ZFP64: variants seen among roughly 807,000 people sequenced by gnomAD.
The protein encoded by ZFP64 is ZFP64 zinc finger protein, also known as zinc finger protein 64.
A neutral mutation model predicts 51.6 loss-of-function variants in ZFP64; 14 were observed. That is an observed-to-expected ratio of 0.27 (90% CI 0.18 to 0.42). ZFP64 has a LOEUF of 0.42. ZFP64 is among the 10% of genes least tolerant of loss of function. ZFP64 has a pLI of 1.00. For missense variants in ZFP64, 754 were observed against 906.8 expected, an observed-to-expected ratio of 0.83 and a Z score of 2.16; for synonymous variants, 375 against 361.4, an observed-to-expected ratio of 1.04 and a Z score of -0.43.
chr20:52,120,665 ATCT>A (rs1979139450), intron 5 of ZFP64, among the ~76,000 whole-genome samples: 1 of 111,002 alleles, frequency 9.0e-6, no homozygotes, highest in Admixed American at 1.0e-4. Flanking sequence ...GTGATCAGTG[ATCT>A]TTTTTTTTTT....
chr20:52,151,893 C>T lies in ZFP64; in HGVS notation c.*253G>A. The T allele has an allele frequency of 1.0e-6, 1 of 1,004,676 alleles. No individual in the cohort carries two copies. The highest frequency in any genetic ancestry group is 1.3e-6 in the Non-Finnish European group (1 of 759,934). 62.2% of individuals were successfully genotyped at this position (1,004,676 alleles called of 1,614,324 possible). A position where few individuals can be genotyped will look rare whatever the true frequency, so the allele number is the denominator to read the frequency against. ...CTCTACTAAATATACAAAAATTAGC[C>T]AGTCATGATGTCGTACACCTGTGGT... On this transcript the variant is annotated 3_prime_UTR_variant, in exon 6 of 6. Transcript: ENST00000216923.
At position 52,180,389 on chromosome 20, in the gene ZFP64, C is replaced by T. The variant is rs548180112; in HGVS notation, c.286+6443G>A. On this transcript the variant is annotated intron_variant, in intron 2 of 5. Coordinates refer to ENST00000216923, the MANE Select transcript of ZFP64 (RefSeq NM_018197.3). ...CTTGGAATTGCATTGGAATTCACTT[C>T]TCTAATTAAAGACTAATTAGTTACA... 2.0e-5 allele frequency among the ~76,000 whole-genome samples: 3 copies of T among 152,216 alleles called. No homozygotes were observed. In the South Asian group the frequency reaches 6.2e-4, roughly 32 times the overall value.
intron 5 of ZFP64, among the ~76,000 whole-genome samples, chr20:52,113,298 T>C (rs568246320): frequency 2.0e-4 from 30 of 150,300 alleles, no homozygotes; most frequent in African/African-American, 7.1e-4. Flanking sequence ...TGCGCCACTG[T>C]ACTCCAGCCT....
chr20:52,151,877 A>C lies in ZFP64; in HGVS notation c.*269T>G. The C allele has an allele frequency of 1.0e-6, 1 of 974,424 alleles. No homozygotes were observed. The allele number at this position is 974,424 out of a possible 1,614,324, so 60.4% of individuals were successfully genotyped here. On this transcript the variant is annotated 3_prime_UTR_variant, in exon 6 of 6. Coordinates refer to ENST00000216923, the MANE Select transcript of ZFP64 (RefSeq NM_018197.3). ...CATGATGAAACCCCGTCTCTACTAA[A>C]TATACAAAAATTAGCCAGTCATGAT...
intron 5 of ZFP64, among the ~76,000 whole-genome samples, chr20:52,109,800 AAAG>A: frequency 1.4e-5 from 2 of 147,880 alleles, no homozygotes; most frequent in Non-Finnish European, 2.9e-5. Context: ...AAAAAAAAAA[AAAG>A]AAAAAAATTT....
At chr20:52,113,915 T>A (rs1254912892) in intron 5 of ZFP64, among the ~76,000 whole-genome samples, 1 of 151,596 alleles carries the variant, frequency 6.6e-6, no homozygotes, top group East Asian at 1.9e-4. Context: ...TGATCGGGAG[T>A]GACTGGGTGG....
chr20:52,097,492 T>C (rs2050683684), intron 6 of ZFP64: 1 of 1,476,658 alleles, frequency 6.8e-7, no homozygotes, highest in African/African-American at 1.4e-5. Flanking sequence ...TTTTGCTCTG[T>C]CGCCCAGGCT....
At chr20:52,175,774 G>A (rs941759207) in intron 2 of ZFP64, among the ~76,000 whole-genome samples, 1 of 152,110 alleles carries the variant, frequency 6.6e-6, no homozygotes, top group Non-Finnish European at 1.5e-5. Flanking sequence ...AACCCAGGAG[G>A]CAGAGGTTGC....
chr20:52,097,513 G>C, intron 6 of ZFP64: 1 of 1,377,084 alleles, frequency 7.3e-7, no homozygotes, highest in African/African-American at 1.5e-5. Flanking sequence ...GGAGTGCAGT[G>C]GCTCCATCTC....
Position 52,160,890 on chromosome 20 carries a change from G to A in ZFP64, c.512-516C>T, listed in dbSNP as rs1481703868. On this transcript the variant is annotated intron_variant, in intron 4 of 5. Coordinates refer to ENST00000216923, the MANE Select transcript of ZFP64 (RefSeq NM_018197.3). The surrounding 1 kb of genome is among the most constrained non-coding windows in gnomAD (Gnocchi z 4.2). ...AAAGTAAAGTGTGTCTCTTTCACAA[G>A]AGGAAACGGCTTGCCTTTTACATTT... is the stretch of plus-strand genomic sequence containing the variant. Among the ~76,000 whole-genome samples, 7 of 152,178 alleles carry A rather than the reference G, an allele frequency of 4.6e-5. No individual in the cohort carries two copies. The highest frequency in any genetic ancestry group is 1.2e-4 in the African/African-American group (5 of 41,446).
chr20:52,121,306 T>C (rs1227619047), intron 5 of ZFP64, among the ~76,000 whole-genome samples: 1 of 152,150 alleles, frequency 6.6e-6, no homozygotes, highest in African/African-American at 2.4e-5. Flanking sequence ...AGCTGGGCCT[T>C]TTGAGTCCAA....
At chr20:52,086,913 T>C (rs1168454189) in intron 8 of ZFP64, among the ~76,000 whole-genome samples, 1 of 152,254 alleles carries the variant, frequency 6.6e-6, no homozygotes, top group Non-Finnish European at 1.5e-5. Context: ...ACATATCAAA[T>C]ATATCATGCC....
chr20:52,126,728 C>T (rs957875263), intron 5 of ZFP64, among the ~76,000 whole-genome samples: 2 of 152,128 alleles, frequency 1.3e-5, no homozygotes, highest in African/African-American at 4.8e-5. Context: ...TGTAAAGTCT[C>T]ATAAAAGCTT....
chr20:52,119,039 A>G (rs2122843058), intron 5 of ZFP64, among the ~76,000 whole-genome samples: 1 of 152,198 alleles, frequency 6.6e-6, no homozygotes, highest in South Asian at 2.1e-4. Flanking sequence ...GCTATCAAAA[A>G]AGGTCGAGGG....
intron 5 of ZFP64, among the ~76,000 whole-genome samples, chr20:52,108,716 G>T (rs996032815): frequency 6.6e-6 from 1 of 151,828 alleles, no homozygotes; most frequent in African/African-American, 2.4e-5. Flanking sequence ...CACCATGTCG[G>T]CCAGGCTGGT....
At chr20:52,136,567 C>G (rs1308726404) in intron 5 of ZFP64, among the ~76,000 whole-genome samples, 1 of 152,022 alleles carries the variant, frequency 6.6e-6, no homozygotes, top group East Asian at 1.9e-4. Flanking sequence ...TGACACATAA[C>G]TGAAAATAAA....
chr20:52,183,352 C>T (rs79335477), intron 2 of ZFP64, among the ~76,000 whole-genome samples: 1,824 of 152,270 alleles, frequency 0.012, 30 homozygotes, highest in African/African-American at 0.042. Context: ...GCCTCCCACA[C>T]GCAGGGCATC....
chr20:52,123,941 C>G (rs558646204), intron 5 of ZFP64, among the ~76,000 whole-genome samples: 10 of 152,104 alleles, frequency 6.6e-5, no homozygotes, highest in South Asian at 6.2e-4. Context: ...CTTATCTCAG[C>G]TCACTGCAAG....
intron 5 of ZFP64, among the ~76,000 whole-genome samples, chr20:52,127,627 C>T (rs1009772393): frequency 6.6e-6 from 1 of 152,158 alleles, no homozygotes; most frequent in African/African-American, 2.4e-5. Flanking sequence ...GTTGATTAAA[C>T]CTTTTTCCAT....
Sources: allele counts gnomAD v4.1 joint callset (sites outside exome capture counted in the v4.1 genomes callset), GRCh38; gene constraint gnomAD v4.1.1; non-coding constraint Gnocchi (gnomAD v3.1); transcripts MANE v1.5; gene names NCBI Gene and HGNC (gene_info 2026-07-23, HGNC 2026-07-21).